Variants in CPEB4 observed in about 807,000 individuals in gnomAD.
CPEB4 encodes cytoplasmic polyadenylation element-binding protein 4.
A neutral mutation model predicts 72.5 loss-of-function variants in CPEB4; 12 were observed. The observed-to-expected ratio is 0.17, with a 90% CI of 0.11 to 0.27. The LOEUF (loss-of-function observed/expected upper bound fraction) is 0.27. Ranked by LOEUF, CPEB4 falls within the 10% of genes least tolerant of loss-of-function variation. CPEB4 has a pLI of 1.00. For synonymous variants in CPEB4, 302 were observed against 326.3 expected (o/e 0.93, Z 0.80); for missense variants, 614 against 908.5 (o/e 0.68, Z 4.17).
intron 1 of CPEB4, chr5:173,893,305 A>G (rs1424939889): frequency 6.6e-6 from 1 of 152,128 alleles, no homozygotes; most frequent in Non-Finnish European, 1.5e-5. Flanking sequence ...AGTTGGTATA[A>G]GTAACTTGGT....
intron 2 of CPEB4, among the ~76,000 whole-genome samples, chr5:173,931,011 T>A: frequency 6.9e-6 from 1 of 145,188 alleles, no homozygotes; most frequent in African/African-American, 2.6e-5. Context: ...AAAAAAAAAA[T>A]TGTAGGAAAA....
intron 2 of CPEB4, among the ~76,000 whole-genome samples, chr5:173,919,457 C>T (rs1285036384): frequency 6.6e-6 from 1 of 152,210 alleles, no homozygotes; most frequent in Non-Finnish European, 1.5e-5. Context: ...TCATGTGCCA[C>T]ATCTAAATTA....
At position 173,900,189 on chromosome 5, in the gene CPEB4, T is replaced by G. The variant is rs1002904354; in HGVS notation, c.1125+9331T>G. On this transcript the variant is annotated intron_variant, in intron 1 of 9. Coordinates refer to ENST00000265085, the MANE Select transcript of CPEB4 (RefSeq NM_030627.4). This position sits in a 1 kb window ranked among gnomAD's most constrained non-coding sequence, Gnocchi z 4.4. Reference sequence around the variant, plus strand: ...GAGAGGCTGAGGTGGGCGGATCACCTGAGGTCGGGAGTTCGAGACCAGCCT... The same window carrying G: ...GAGAGGCTGAGGTGGGCGGATCACCGGAGGTCGGGAGTTCGAGACCAGCCT... Among the ~76,000 whole-genome samples the G allele has an allele frequency of 6.6e-6, 1 of 152,092 alleles. No homozygotes were observed. Among genetic ancestry groups the G allele is most frequent in the Non-Finnish European group, 1.5e-5 (1 of 68,020 alleles).
In CPEB4 at chr5:173,949,530, T is replaced by C. The variant is rs1758146252; in HGVS notation, c.1479T>C (p.Arg493=). The C allele has an allele frequency of 6.2e-7, 1 of 1,613,406 alleles. No homozygotes were observed. The highest frequency in any genetic ancestry group is 1.1e-5 in the South Asian group (1 of 91,006). Residue 493 remains arginine (R), a synonymous_variant, in exon 6 of 10, where the codon CGT becomes CGC. Coordinates refer to ENST00000265085, the MANE Select transcript of CPEB4 (RefSeq NM_030627.4). ...IDEDEITASF[R]RFGPLIVDWP... is the part of the protein sequence containing the mutation. Reference sequence around the variant, plus strand: ...TAGATGAGATCACAGCTAGTTTTCGTCGCTTTGGCCCTCTGATTGTGGATT... The same window carrying C: ...TAGATGAGATCACAGCTAGTTTTCGCCGCTTTGGCCCTCTGATTGTGGATT...
At chr5:173,920,428 A>G (rs181222810) in intron 2 of CPEB4, among the ~76,000 whole-genome samples, 3 of 152,386 alleles carry the variant, frequency 2.0e-5, no homozygotes, top group Admixed American at 6.5e-5. Context: ...TCTGCTGGCT[A>G]TAATATTCCA....
intron 5 of CPEB4, among the ~76,000 whole-genome samples, chr5:173,947,711 T>A (rs937580673): frequency 2.0e-5 from 3 of 152,166 alleles, no homozygotes; most frequent in Non-Finnish European, 1.5e-5. Flanking sequence ...TAAATTTGTG[T>A]TTGGGCGTGT....
intron 3 of CPEB4, among the ~76,000 whole-genome samples, chr5:173,935,079 G>A (rs1028300320): frequency 6.6e-5 from 10 of 152,116 alleles, no homozygotes; most frequent in East Asian, 3.9e-4. Flanking sequence ...TTCAATGTGT[G>A]TAAATCACTT....
chr5:173,897,218 G>A (rs1380898904), intron 1 of CPEB4, among the ~76,000 whole-genome samples: 1 of 152,170 alleles, frequency 6.6e-6, no homozygotes, highest in African/African-American at 2.4e-5. Flanking sequence ...ACTTTCATTA[G>A]CATTGACAGC....
At chr5:173,941,910 C>A (rs1312612648) in intron 3 of CPEB4, among the ~76,000 whole-genome samples, 1 of 152,174 alleles carries the variant, frequency 6.6e-6, no homozygotes, top group Non-Finnish European at 1.5e-5. Context: ...CTGTTGAAAC[C>A]TCATCCCCAG....
chr5:173,928,857 G>A (rs984995282), intron 2 of CPEB4, among the ~76,000 whole-genome samples: 1 of 152,108 alleles, frequency 6.6e-6, no homozygotes, highest in Non-Finnish European at 1.5e-5. Flanking sequence ...GAGAATTTAC[G>A]GAAGAGTAGG....
chr5:173,938,657 C>T (rs1017631901), intron 3 of CPEB4, among the ~76,000 whole-genome samples: 24 of 152,246 alleles, frequency 1.6e-4, no homozygotes, highest in African/African-American at 5.8e-4. Context: ...TAAGGTAGAT[C>T]AGCGTAACCC....
chr5:173,907,869 G>T (rs375182908), intron 1 of CPEB4, among the ~76,000 whole-genome samples: 1 of 152,150 alleles, frequency 6.6e-6, no homozygotes, highest in Admixed American at 6.5e-5. Flanking sequence ...CTGACTTGGC[G>T]CACCATCACC....
chr5:173,905,689 G>T (rs1756410658), intron 1 of CPEB4, among the ~76,000 whole-genome samples: 1 of 152,046 alleles, frequency 6.6e-6, no homozygotes, highest in African/African-American at 2.4e-5. Flanking sequence ...CCTTTTTGTG[G>T]GCAAAAGTGA....
chr5:173,934,186 A>C (rs1455076814), intron 3 of CPEB4, among the ~76,000 whole-genome samples: 1 of 152,176 alleles, frequency 6.6e-6, no homozygotes, highest in Non-Finnish European at 1.5e-5. Flanking sequence ...CCCTGCCTCA[A>C]AAAAAGAAAA....
At chr5:173,902,195 C>T (rs1756260420) in intron 1 of CPEB4, among the ~76,000 whole-genome samples, 1 of 152,166 alleles carries the variant, frequency 6.6e-6, no homozygotes, top group Non-Finnish European at 1.5e-5. Context: ...GCAGCTGACA[C>T]ACTGGCGTAC....
intron 2 of CPEB4, among the ~76,000 whole-genome samples, chr5:173,922,271 T>C (rs566696867): frequency 6.6e-6 from 1 of 152,282 alleles, no homozygotes; most frequent in Admixed American, 6.5e-5. Flanking sequence ...AGCTCTGTTG[T>C]CCATCCTGGA....
At chr5:173,898,411 T>A (rs1269365445) in intron 1 of CPEB4, among the ~76,000 whole-genome samples, 2 of 152,190 alleles carry the variant, frequency 1.3e-5, no homozygotes, top group African/African-American at 4.8e-5. Context: ...GGAAGTCAGA[T>A]CTGGGTTCCA....
intron 1 of CPEB4, among the ~76,000 whole-genome samples, chr5:173,906,771 G>C (rs537393616): frequency 1.3e-5 from 2 of 152,174 alleles, no homozygotes; most frequent in African/African-American, 4.8e-5. Context: ...GTGTAAAAAG[G>C]GTGGAGAATT....
rs140534410 is a variant in CPEB4, at chr5:173,925,474, G to T, written c.1208-6976G>T. The stretch of plus-strand genomic sequence containing the variant: ...AAGCTTACTGATTTTGATTTGGGGA[G>T]TTATTTTTGTGTCAATACACTAAAT... On this transcript the variant is annotated intron_variant, in intron 2 of 9. Transcript: ENST00000265085. Among the ~76,000 whole-genome samples the T allele has an allele frequency of 7.6e-3, 1,160 of 152,172 alleles. 50 individuals carry two copies. The highest frequency in any genetic ancestry group is 0.068 in the Admixed American group (1,036 of 15,282).
Sources: allele counts gnomAD v4.1 joint callset (sites outside exome capture counted in the v4.1 genomes callset), GRCh38; gene constraint gnomAD v4.1.1; non-coding constraint Gnocchi (gnomAD v3.1); transcripts MANE v1.5; gene names NCBI Gene and HGNC (gene_info 2026-07-23, HGNC 2026-07-21).